CCNI: variants seen among roughly 807,000 people sequenced by gnomAD.
CCNI encodes the protein cyclin-I.
CCNI carries 14 observed loss-of-function variants against 34.1 expected under a neutral mutation model. That is an observed-to-expected ratio of 0.41 (90% CI 0.27 to 0.64). The LOEUF is 0.64. CCNI is among the 30% of genes least tolerant of loss of function. CCNI has a pLI of 0.31. For synonymous variants in CCNI, 154 were observed against 158.4 expected (o/e 0.97, Z 0.21); for missense variants, 385 against 440.5 (o/e 0.87, Z 1.13).
In CCNI at chr4:77,047,649, G is replaced by GT. The variant is rs1345691522; in HGVS notation, c.*569dup. 1 of 152,110 alleles carries GT rather than the reference G, an allele frequency of 6.6e-6. No individual in the cohort carries two copies. The highest frequency in any genetic ancestry group is 1.5e-5 in the Non-Finnish European group (1 of 68,042). The allele number at this position is 152,110 out of a possible 1,614,324, so 9.4% of individuals were successfully genotyped here. A position where few individuals can be genotyped will look rare whatever the true frequency, so the allele number is the denominator to read the frequency against. On this transcript the variant is annotated 3_prime_UTR_variant, in exon 7 of 7. Coordinates refer to ENST00000237654, the MANE Select transcript of CCNI (RefSeq NM_006835.3). ...TGAAATGAGACACAAAATCAACCTG[G>GT]TAATATGAGAACTTTTTCTTTTGCC... is the stretch of plus-strand genomic sequence containing the variant.
intron 1 of CCNI, among the ~76,000 whole-genome samples, chr4:77,071,424 A>C (rs1350068963): frequency 6.6e-6 from 1 of 152,228 alleles, no homozygotes; most frequent in East Asian, 1.9e-4. Flanking sequence ...TCAAGAGCCT[A>C]ATCTTCCACC....
chr4:77,060,424 A>G (rs916626637), intron 2 of CCNI, among the ~76,000 whole-genome samples: 3 of 152,214 alleles, frequency 2.0e-5, no homozygotes, highest in Non-Finnish European at 4.4e-5. Context: ...ACAATTAGTC[A>G]TGAAAGAAAT....
At chr4:77,052,973 T>A (rs1578233800) in intron 6 of CCNI, among the ~76,000 whole-genome samples, 2 of 152,298 alleles carry the variant, frequency 1.3e-5, no homozygotes, top group East Asian at 3.9e-4. Context: ...ATATACTACA[T>A]GGGGCATATC....
intron 2 of CCNI, among the ~76,000 whole-genome samples, chr4:77,062,099 GC>G (rs1451755846): frequency 6.7e-6 from 1 of 149,580 alleles, no homozygotes; most frequent in Middle Eastern, 3.2e-3. Context: ...TGTTCATATT[GC>G]TCCTACTGAC....
At chr4:77,055,774 T>C (rs1461589296) in intron 5 of CCNI, among the ~76,000 whole-genome samples, 188 bp downstream of exon 5, 1 of 152,170 alleles carries the variant, frequency 6.6e-6, no homozygotes, top group Non-Finnish European at 1.5e-5. Context: ...GCCTAACCTA[T>C]TCAATTTCTA....
intron 1 of CCNI, among the ~76,000 whole-genome samples, chr4:77,067,997 T>G (rs900893637): frequency 6.6e-6 from 1 of 151,692 alleles, no homozygotes; most frequent in Non-Finnish European, 1.5e-5. Context: ...CAAAACATGG[T>G]GAGACCCCCG....
At chr4:77,058,950 C>T (rs776170190) in intron 2 of CCNI, among the ~76,000 whole-genome samples, 1 of 146,306 alleles carries the variant, frequency 6.8e-6, no homozygotes, top group Admixed American at 7.0e-5. Context: ...CTATTATCAA[C>T]TGATAGTAAT....
chr4:77,067,667 GTTT>G (rs145214993), intron 1 of CCNI, among the ~76,000 whole-genome samples: 1 of 137,786 alleles, frequency 7.3e-6, no homozygotes, highest in Admixed American at 7.3e-5. Flanking sequence ...ATTTTGTGGG[GTTT>G]TTTTTTTTTT....
chr4:77,069,224 C>T (rs1729276878), intron 1 of CCNI, among the ~76,000 whole-genome samples: 1 of 152,142 alleles, frequency 6.6e-6, no homozygotes, highest in Non-Finnish European at 1.5e-5. Context: ...CGACGCCAGC[C>T]TGGGCAATGT....
chr4:77,069,453 A>C (rs1729297442), intron 1 of CCNI, among the ~76,000 whole-genome samples: 1 of 151,624 alleles, frequency 6.6e-6, no homozygotes, highest in East Asian at 1.9e-4. Flanking sequence ...TTTTTTTATT[A>C]TTATACTTTA....
At position 77,075,656 on chromosome 4, in the gene CCNI, G is replaced by C. The variant is rs1729895492; in HGVS notation, c.-228C>G. 1 of 757,078 alleles carries C rather than the reference G, an allele frequency of 1.3e-6. No individual in the cohort carries two copies. Among genetic ancestry groups the C allele is most frequent in the Non-Finnish European group, 1.6e-6 (1 of 620,548 alleles). 46.9% of individuals were successfully genotyped at this position (757,078 alleles called of 1,614,324 possible). On this transcript the variant is annotated 5_prime_UTR_variant, in exon 1 of 7. Transcript: ENST00000237654. ...AAGCGGATCGGGGGGCGCGGGCGCG[G>C]GCGCTGGCGCTCGAGCGGGACGCAC...
At chr4:77,075,307 C>G (rs957579072) in intron 1 of CCNI, 165 bp downstream of exon 1, 3 of 157,102 alleles carry the variant, frequency 1.9e-5, no homozygotes, top group African/African-American at 7.2e-5. Context: ...GAGGGCGGCC[C>G]CGAGGTTCCC....
intron 5 of CCNI, 88 bp from the exon 6 acceptor site, chr4:77,055,468 T>TC: frequency 2.3e-6 from 2 of 858,844 alleles, no homozygotes; most frequent in Middle Eastern, 2.5e-4. Context: ...CAATTTCTTT[T>TC]TTTTTTTTTT....
In CCNI at chr4:77,059,986, G is replaced by A. The variant is rs1356398471; in HGVS notation, c.115-1351C>T. On this transcript the variant is annotated intron_variant, in intron 2 of 6. Transcript: ENST00000237654. ...GAGGTAGGTGATGTTATAATCTGAT[G>A]AAACTGGGAAGGCTTTTAGGGAGAT... Among the ~76,000 whole-genome samples the A allele has an allele frequency of 3.3e-5, 5 of 152,082 alleles. No individual in the cohort carries two copies. The East Asian group carries it at 9.6e-4, about 29-fold the overall frequency.
intron 6 of CCNI, among the ~76,000 whole-genome samples, chr4:77,053,716 T>G (rs1728025914): frequency 6.6e-6 from 1 of 152,198 alleles, no homozygotes; most frequent in Non-Finnish European, 1.5e-5. Context: ...AAAAATAATG[T>G]AATGTAGGAG....
At chr4:77,052,051 A>G (rs1181185914) in intron 6 of CCNI, among the ~76,000 whole-genome samples, 2 of 151,710 alleles carry the variant, frequency 1.3e-5, no homozygotes, top group Non-Finnish European at 2.9e-5. Flanking sequence ...GGTTTGGAGT[A>G]CAAGTGATCC....
At chr4:77,061,032 T>A (rs1236864481) in intron 2 of CCNI, among the ~76,000 whole-genome samples, 1 of 152,200 alleles carries the variant, frequency 6.6e-6, no homozygotes, top group East Asian at 1.9e-4. Context: ...GTGTTGGGAT[T>A]ACAGGTGTAA....
Position 77,073,987 on chromosome 4 carries a change from G to A in CCNI, c.-44+1485C>T, listed in dbSNP as rs4252780. Reference sequence around the variant, plus strand: ...TGTTCCCACAATTTGATGAAACTGTGGAAAGCCCTTTTTTTCTAGTTTTTT... The same window carrying A: ...TGTTCCCACAATTTGATGAAACTGTAGAAAGCCCTTTTTTTCTAGTTTTTT... On this transcript the variant is annotated intron_variant, in intron 1 of 6. Coordinates refer to ENST00000237654, the MANE Select transcript of CCNI (RefSeq NM_006835.3). Among the ~76,000 whole-genome samples, 444 of 142,138 alleles carry A rather than the reference G, an allele frequency of 3.1e-3. 2 individuals carry two copies. The highest frequency in any genetic ancestry group is 0.01 in the African/African-American group (413 of 41,270). 93.2% of individuals were successfully genotyped at this position (142,138 alleles called of 152,430 possible).
At chr4:77,066,984 A>ATCACTTTGT in intron 1 of CCNI, among the ~76,000 whole-genome samples, 1 of 152,194 alleles carries the variant, frequency 6.6e-6, no homozygotes, top group Non-Finnish European at 1.5e-5. Flanking sequence ...CTGTAATCCC[A>ATCACTTTGT]TCACTTTGGG....
Sources: gnomAD v4.1 joint callset for allele counts (sites outside exome capture counted in the v4.1 genomes callset) on GRCh38, gnomAD v4.1.1 for gene constraint, MANE v1.5 for transcripts, NCBI Gene and HGNC (gene_info 2026-07-23, HGNC 2026-07-21) for gene names.